Variants in SCRG1 observed in about 807,000 individuals in gnomAD.
SCRG1 encodes the protein scrapie-responsive protein 1.
In SCRG1, 3 loss-of-function variants were observed where a neutral mutation model predicts 7.7. The observed-to-expected ratio is 0.39, with a 90% CI of 0.18 to 1.01. SCRG1 has a LOEUF of 1.01. Among genes scored for constraint, SCRG1 ranks in the 50% least tolerant of loss-of-function variants. The pLI is 0.36. For missense variants in SCRG1, 110 were observed against 117.2 expected (o/e 0.94, Z 0.28); for synonymous variants, 46 against 41.2 (o/e 1.12, Z -0.44).
At chr4:173,511,687 T>C in the SCRG1 span, among the ~76,000 whole-genome samples, 2 of 152,168 alleles carry the variant, frequency 1.3e-5, no homozygotes, top group African/African-American at 4.8e-5. The surrounding 1 kb of genome is among the most constrained non-coding windows in gnomAD (Gnocchi z 5.2). Flanking sequence ...TAAAGGCCCA[T>C]TTCCAGTCTT....
the SCRG1 span, among the ~76,000 whole-genome samples, chr4:173,437,370 C>A: frequency 6.6e-6 from 1 of 152,180 alleles, no homozygotes; most frequent in East Asian, 1.9e-4. Flanking sequence ...AAAGCACATA[C>A]CACTTATTTG....
the SCRG1 span, among the ~76,000 whole-genome samples, chr4:173,484,391 TAC>T: frequency 2.0e-5 from 1 of 50,030 alleles, no homozygotes; most frequent in East Asian, 7.2e-4. Flanking sequence ...GTATATTTTA[TAC>T]ATTATATATT....
intron 1 of SCRG1, among the ~76,000 whole-genome samples, chr4:173,396,730 G>GTGTGTGTA (rs1739615189): frequency 7.3e-6 from 1 of 136,562 alleles, no homozygotes; most frequent in African/African-American, 2.9e-5. Flanking sequence ...GTGTGTGTGT[G>GTGTGTGTA]TGTGTGTGTG....
chr4:173,447,369 G>A, the SCRG1 span, among the ~76,000 whole-genome samples: 3 of 152,154 alleles, frequency 2.0e-5, no homozygotes, highest in Admixed American at 2.0e-4. Context: ...ATTAGGATTT[G>A]AACATGTAAA....
At chr4:173,474,772 T>A in the SCRG1 span, among the ~76,000 whole-genome samples, 1 of 152,224 alleles carries the variant, frequency 6.6e-6, no homozygotes, top group Admixed American at 6.5e-5. Context: ...ATAGCTCATA[T>A]CCTTTTTTGA....
At position 173,386,331 on chromosome 4, in the gene SCRG1, G is replaced by A. The variant is rs1409671063; in HGVS notation, c.*2010C>T. 3.1e-5 allele frequency: 4 copies of A among 129,414 alleles called. No individual in the cohort carries two copies. The highest frequency in any genetic ancestry group is 6.0e-5 in the African/African-American group (2 of 33,180). The allele number at this position is 129,414 out of a possible 1,614,324, so 8.0% of individuals were successfully genotyped here. A position where few individuals can be genotyped will look rare whatever the true frequency, so the allele number is the denominator to read the frequency against. Reference sequence around the variant, plus strand: ...TTTTTTTTTTTTTTTTGTATTTTTAGTAGAGACGAGGTTTCACCGTATTAG... The same window carrying A: ...TTTTTTTTTTTTTTTTGTATTTTTAATAGAGACGAGGTTTCACCGTATTAG... On this transcript the variant is annotated 3_prime_UTR_variant, in exon 3 of 3. Coordinates refer to ENST00000296506, the MANE Select transcript of SCRG1 (RefSeq NM_007281.4).
At chr4:173,437,398 G>A in the SCRG1 span, among the ~76,000 whole-genome samples, 3 of 152,092 alleles carry the variant, frequency 2.0e-5, no homozygotes, top group Admixed American at 6.5e-5. Flanking sequence ...AGTACTTAAC[G>A]CAATAACTTA....
intron 1 of SCRG1, among the ~76,000 whole-genome samples, chr4:173,391,690 G>A (rs945111003): frequency 7.2e-5 from 11 of 152,182 alleles, no homozygotes; most frequent in African/African-American, 2.7e-4. Flanking sequence ...CAGCATGGGA[G>A]GCCTATGTAC....
chr4:173,427,184 C>G, the SCRG1 span, among the ~76,000 whole-genome samples: 2 of 152,184 alleles, frequency 1.3e-5, no homozygotes, highest in Non-Finnish European at 2.9e-5. Flanking sequence ...AGCTGGGCTT[C>G]ACATGTTGAT....
the SCRG1 span, among the ~76,000 whole-genome samples, chr4:173,463,114 T>C: frequency 1.3e-5 from 2 of 152,160 alleles, no homozygotes; most frequent in Admixed American, 6.5e-5. Flanking sequence ...AATAATGACA[T>C]TGAATGTAAA....
At chr4:173,407,135 G>C (rs189291366), upstream of SCRG1, among the ~76,000 whole-genome samples, 1 of 151,976 alleles carries the variant, frequency 6.6e-6, no homozygotes, top group Non-Finnish European at 1.5e-5. Flanking sequence ...TTTGAACCTG[G>C]GAGGCAGAAG....
At chr4:173,486,679 A>G in the SCRG1 span, among the ~76,000 whole-genome samples, 4 of 151,986 alleles carry the variant, frequency 2.6e-5, no homozygotes, top group African/African-American at 9.7e-5. Context: ...CCTGCGTTGG[A>G]CCATTTACAA....
intron 1 of SCRG1, among the ~76,000 whole-genome samples, chr4:173,395,940 G>A (rs962242391): frequency 1.3e-5 from 2 of 152,222 alleles, no homozygotes; most frequent in Non-Finnish European, 2.9e-5. Flanking sequence ...ATATTAAGAA[G>A]CCATTGGAAG....
chr4:173,389,164 T>G (rs1211653882), intron 2 of SCRG1, among the ~76,000 whole-genome samples: 1 of 152,222 alleles, frequency 6.6e-6, no homozygotes, highest in Non-Finnish European at 1.5e-5. Flanking sequence ...CTCAAGTTCT[T>G]GGCATCATTG....
At chr4:173,489,623 G>T in the SCRG1 span, among the ~76,000 whole-genome samples, 1 of 152,058 alleles carries the variant, frequency 6.6e-6, no homozygotes, top group East Asian at 1.9e-4. Context: ...ATTCAACCAG[G>T]ATTGCACAAT....
chr4:173,483,234 TA>T, the SCRG1 span, among the ~76,000 whole-genome samples: 5 of 47,552 alleles, frequency 1.1e-4, no homozygotes, highest in Non-Finnish European at 1.8e-4. Flanking sequence ...ATATTATATA[TA>T]ATATATGATA....
the SCRG1 span, among the ~76,000 whole-genome samples, chr4:173,462,087 T>C: frequency 3.3e-5 from 5 of 152,054 alleles, no homozygotes; most frequent in African/African-American, 1.2e-4. Context: ...AAAGGGCAAA[T>C]CTGTAATTGG....
chr4:173,396,838 A>G (rs928477387), intron 1 of SCRG1, among the ~76,000 whole-genome samples: 19 of 151,726 alleles, frequency 1.3e-4, no homozygotes, highest in Non-Finnish European at 7.4e-5. Context: ...GCAGATCACG[A>G]GGTCAAGAGA....
At chr4:173,412,842 G>T in the SCRG1 span, among the ~76,000 whole-genome samples, 30 of 152,256 alleles carry the variant, frequency 2.0e-4, no homozygotes, top group South Asian at 3.1e-3. Flanking sequence ...TGGGACCAAG[G>T]CATGAAGACT....
Sources: allele counts gnomAD v4.1 joint callset (sites outside exome capture counted in the v4.1 genomes callset), GRCh38; gene constraint gnomAD v4.1.1; non-coding constraint Gnocchi (gnomAD v3.1); transcripts MANE v1.5; gene names NCBI Gene and HGNC (gene_info 2026-07-23, HGNC 2026-07-21).